Variants in LPCAT3 observed in about 807,000 individuals in gnomAD.
LPCAT3 encodes the protein lysophospholipid acyltransferase 5.
Under a neutral mutation model 63.4 loss-of-function variants are expected in LPCAT3, and 21 were observed. The ratio of observed to expected loss-of-function variants is 0.33; its 90% CI spans 0.23 to 0.48. The LOEUF (loss-of-function observed/expected upper bound fraction) is 0.48, where lower values mean the gene tolerates loss of function less well. LPCAT3 is among the 20% of genes least tolerant of loss of function. The pLI is 0.99. For synonymous variants in LPCAT3, 242 were observed against 227.5 expected, an observed-to-expected ratio of 1.06 and a Z score of -0.58; for missense variants, 451 against 590.6, an observed-to-expected ratio of 0.76 and a Z score of 2.45.
At chr12:7,005,960 T>G (rs1298413889) in intron 1 of LPCAT3, among the ~76,000 whole-genome samples, 1 of 152,210 alleles carries the variant, frequency 6.6e-6, no homozygotes, top group Non-Finnish European at 1.5e-5. Context: ...GGAAATCTAC[T>G]TTTTTCTATG....
Position 6,978,342 on chromosome 12 carries a change from G to A in LPCAT3, c.1039C>T (p.Arg347Cys), listed in dbSNP as rs782146370. The change falls in exon 9 of 13, where the codon CGC becomes TGC. Residue 347 changes from arginine to cysteine, a missense_variant and splice_region_variant. By Grantham distance (180) the Arg-to-Cys change is radical (BLOSUM62 -3). Transcript: ENST00000261407. ...CCAGGCTCCCCACCAGCAGCTCACC[G>A]GGCCACCCAGGCGTTGGTGTTGATG... ...FNINTNAWVA[R>C]YIFKRLKFLG... 1.7e-5 allele frequency: 27 copies of A among 1,606,268 alleles called. No individual in the cohort carries two copies. Among genetic ancestry groups the A allele is most frequent in the Non-Finnish European group, 2.2e-5 (26 of 1,175,604 alleles).
chr12:6,977,519 T>C lies in LPCAT3; in HGVS notation c.1195A>G (p.Arg399Gly), dbSNP rs1422960413. 1.5e-5 allele frequency: 25 copies of C among 1,614,056 alleles called. No homozygotes were observed. Among genetic ancestry groups the C allele is most frequent in the Non-Finnish European group, 2.0e-5 (24 of 1,180,042 alleles). Reference protein sequence around the residue: ...LIVIVERQAARLIQESPTLSK... With the variant: ...LIVIVERQAAGLIQESPTLSK... ...AGGGTGGGGCTCTCTTGAATGAGCCTGGCAGCCTGGGGAGGGAGGAGGAGC... is the reference window on the plus strand; with the variant it reads ...AGGGTGGGGCTCTCTTGAATGAGCCCGGCAGCCTGGGGAGGGAGGAGGAGC... The change falls in exon 11 of 13, where the codon AGG becomes GGG. Residue 399 changes from arginine to glycine, a missense_variant. By Grantham distance (125) the Arg-to-Gly change is moderately radical. Around this residue, in one of 3 missense-constraint regions of LPCAT3, gnomAD observed 304 missense variants for 390.8 expected, o/e 0.78. Transcript: ENST00000261407. This position sits in a 1 kb window ranked among gnomAD's most constrained non-coding sequence, Gnocchi z 4.5.
intron 5 of LPCAT3, 180 bp downstream of exon 5, chr12:6,981,415 T>C: frequency 1.4e-6 from 1 of 736,610 alleles, no homozygotes; most frequent in East Asian, 2.6e-5. Flanking sequence ...GTGCAAGAGC[T>C]GGATCCTGGG....
intron 1 of LPCAT3, among the ~76,000 whole-genome samples, chr12:7,003,056 A>C (rs938043522): frequency 6.6e-6 from 1 of 152,224 alleles, no homozygotes; most frequent in Non-Finnish European, 1.5e-5. Flanking sequence ...GCACTCTCTT[A>C]TATACCAACA....
chr12:6,992,694 C>T (rs782813803), intron 1 of LPCAT3, among the ~76,000 whole-genome samples: 1 of 152,270 alleles, frequency 6.6e-6, no homozygotes, highest in South Asian at 2.1e-4. Flanking sequence ...TCCTTTCTCC[C>T]TGGTTTCCTT....
chr12:7,000,995 C>T (rs1565604326), intron 1 of LPCAT3, among the ~76,000 whole-genome samples: 1 of 152,172 alleles, frequency 6.6e-6, no homozygotes, highest in Non-Finnish European at 1.5e-5. Flanking sequence ...GTGTGAGCCA[C>T]TGCGCCCGGC....
At chr12:6,989,838 G>A (rs1487412801) in intron 1 of LPCAT3, among the ~76,000 whole-genome samples, 1 of 152,198 alleles carries the variant, frequency 6.6e-6, no homozygotes, top group East Asian at 1.9e-4. Flanking sequence ...AAAGTTGTGA[G>A]GTTTCATCTG....
At chr12:7,005,520 T>A (rs1048573337) in intron 1 of LPCAT3, among the ~76,000 whole-genome samples, 1 of 152,238 alleles carries the variant, frequency 6.6e-6, no homozygotes, top group South Asian at 2.1e-4. Flanking sequence ...CAAACTATTT[T>A]CCACAAGTGG....
intron 1 of LPCAT3, among the ~76,000 whole-genome samples, chr12:7,014,532 A>G (rs1230546446): frequency 6.6e-6 from 1 of 152,058 alleles, no homozygotes; most frequent in African/African-American, 2.4e-5. Context: ...TGCTCAAAAT[A>G]CTCCAGTGCA....
At chr12:6,986,887 G>A (rs1201869508) in intron 1 of LPCAT3, among the ~76,000 whole-genome samples, 1 of 151,990 alleles carries the variant, frequency 6.6e-6, no homozygotes, top group Non-Finnish European at 1.5e-5. Flanking sequence ...GCTTAGGCGG[G>A]TGGGTCGCCT....
chr12:6,999,913 A>ATTT (rs1946669197), intron 1 of LPCAT3, among the ~76,000 whole-genome samples: 1 of 119,184 alleles, frequency 8.4e-6, no homozygotes, highest in African/African-American at 3.1e-5. Context: ...AATTACTTAC[A>ATTT]TTCTTTTTTT....
At chr12:7,000,275 C>G (rs1467528112) in intron 1 of LPCAT3, among the ~76,000 whole-genome samples, 1 of 151,612 alleles carries the variant, frequency 6.6e-6, no homozygotes, top group Non-Finnish European at 1.5e-5. Flanking sequence ...AAAATACCAG[C>G]CATCTTGCAG....
At chr12:7,005,804 C>G (rs145765313) in intron 1 of LPCAT3, among the ~76,000 whole-genome samples, 102 of 152,202 alleles carry the variant, frequency 6.7e-4, no homozygotes, top group African/African-American at 2.2e-3. Context: ...TCTAAGAGTT[C>G]TTTAGACATC....
intron 1 of LPCAT3, among the ~76,000 whole-genome samples, chr12:6,989,123 A>C (rs1946561628): frequency 7.1e-6 from 1 of 140,080 alleles, no homozygotes; most frequent in East Asian, 2.0e-4. Flanking sequence ...ACTCCATCTC[A>C]AAAAAAAAAA....
intron 8 of LPCAT3, 24 bp downstream of exon 8, chr12:6,978,579 C>G: frequency 6.2e-7 from 1 of 1,613,848 alleles, no homozygotes; most frequent in Non-Finnish European, 8.5e-7. Context: ...CTAAATAGGA[C>G]CTTGTTTCAA....
At position 7,018,437 on chromosome 12, in the gene LPCAT3, A is replaced by AGCCCCACAGGG; in HGVS notation, c.-24_-14dup. On this transcript the variant is annotated 5_prime_UTR_variant, in exon 1 of 13. Coordinates refer to ENST00000261407, the MANE Select transcript of LPCAT3 (RefSeq NM_005768.6). This position sits in a 1 kb window ranked among gnomAD's most constrained non-coding sequence, Gnocchi z 4.9. The stretch of plus-strand genomic sequence containing the variant: ...CTGAGGACGCCATCTTAACTCCGGG[A>AGCCCCACAGGG]GCCCCACAGGGACCCCCCAGCTCCG... The AGCCCCACAGGG allele has an allele frequency of 6.3e-7, 1 of 1,590,126 alleles. No individual in the cohort carries two copies. Among genetic ancestry groups the AGCCCCACAGGG allele is most frequent in the Admixed American group, 1.7e-5 (1 of 57,716 alleles).
At chr12:6,980,887 G>T in intron 6 of LPCAT3, 117 bp downstream of exon 6, 3 of 1,008,658 alleles carry the variant, frequency 3.0e-6, no homozygotes, top group Non-Finnish European at 4.3e-6. Context: ...ACAGTCCAGG[G>T]CCTGCATGAC....
At position 7,002,191 on chromosome 12, in the gene LPCAT3, CCT is replaced by C. The variant is rs1219424519; in HGVS notation, c.151+16081_151+16082del. 2.6e-5 allele frequency among the ~76,000 whole-genome samples: 4 copies of C among 152,238 alleles called. No homozygotes were observed. The South Asian group carries it at 8.3e-4, about 32-fold the overall frequency. On this transcript the variant is annotated intron_variant, in intron 1 of 12. Coordinates refer to ENST00000261407, the MANE Select transcript of LPCAT3 (RefSeq NM_005768.6). ...ATTCCTTCTGATCTTTCTCTCCTGCCCTCTCTGTTACTGCTTCCTCCTGTTCT... is the reference window on the plus strand; with the variant it reads ...ATTCCTTCTGATCTTTCTCTCCTGCCCTCTGTTACTGCTTCCTCCTGTTCT...
chr12:7,013,959 T>G (rs1017153301), intron 1 of LPCAT3, among the ~76,000 whole-genome samples: 2 of 152,376 alleles, frequency 1.3e-5, no homozygotes, highest in South Asian at 2.1e-4. Context: ...AGCCTGATTT[T>G]CCATCACTTC....
Sources: allele counts gnomAD v4.1 joint callset (sites outside exome capture counted in the v4.1 genomes callset), GRCh38; gene constraint gnomAD v4.1.1; regional missense constraint gnomAD v4.1.1; non-coding constraint Gnocchi (gnomAD v3.1); transcripts MANE v1.5; gene names NCBI Gene and HGNC (gene_info 2026-07-23, HGNC 2026-07-21).